The following SLC25A36 variants were observed in gnomAD, a reference collection of about 807,000 sequenced individuals.
The protein encoded by SLC25A36 is epididymis secretory sperm binding protein.
A neutral mutation model predicts 35.3 loss-of-function variants in SLC25A36; 24 were observed. That is an observed-to-expected ratio of 0.68 (90% CI 0.49 to 0.96). The LOEUF is 0.96. Among genes scored for constraint, SLC25A36 ranks in the 40% least tolerant of loss-of-function variants. The probability of loss-of-function intolerance (pLI) is 0.00; values close to 1 mark genes in which losing one functional copy is unlikely to be tolerated. For synonymous variants in SLC25A36, 141 were observed against 132.2 expected, an observed-to-expected ratio of 1.07 and a Z score of -0.46; for missense variants, 294 against 381.1, an observed-to-expected ratio of 0.77 and a Z score of 1.90.
intron 1 of SLC25A36, among the ~76,000 whole-genome samples, chr3:140,953,214 G>A (rs1934375950): frequency 6.6e-6 from 1 of 152,004 alleles, no homozygotes; most frequent in South Asian, 2.1e-4. Context: ...TTCCTCTTGT[G>A]GCCTCATATA....
In SLC25A36 at chr3:140,980,767, C is replaced by T. The variant is rs369512837; in HGVS notation, c.*4314C>T. 1.6e-5 allele frequency among the ~76,000 whole-genome samples: 2 copies of T among 125,994 alleles called. No homozygotes were observed. 82.7% of individuals were successfully genotyped at this position (125,994 alleles called of 152,430 possible). On this transcript the variant is annotated 3_prime_UTR_variant, in exon 7 of 7. Transcript: ENST00000324194. ...CCATGCTGGAGTGCAATGACATGAT[C>T]TCAGGTCACTGCAACCTCTGCCTCC... is the stretch of plus-strand genomic sequence containing the variant.
rs759825946 is a variant in SLC25A36 at position 140,942,122 on chromosome 3, TG to T, written c.41+31del. 18 of 1,006,004 alleles carry T rather than the reference TG, an allele frequency of 1.8e-5. No individual in the cohort carries two copies. The African/African-American group carries it at 2.6e-4, about 15-fold the overall frequency. The allele number at this position is 1,006,004 out of a possible 1,614,324, so 62.3% of individuals were successfully genotyped here. ...TAAGGTCCTGGCGGGGCGTGCGCAC[TG>T]GGGCTGAGGGTGCTGGGGCCGAAGA... On this transcript the variant is annotated intron_variant, in intron 1 of 6. Coordinates refer to ENST00000324194, the MANE Select transcript of SLC25A36 (RefSeq NM_001104647.3).
intron 5 of SLC25A36, among the ~76,000 whole-genome samples, chr3:140,972,211 A>G (rs937928970): frequency 6.6e-6 from 1 of 152,196 alleles, no homozygotes; most frequent in Non-Finnish European, 1.5e-5. Context: ...GCGTTGCTCT[A>G]TGAGGAATCC....
chr3:140,973,650 CAT>C (rs1465136814), intron 5 of SLC25A36, 64 bp from the exon 6 acceptor site: 10 of 1,128,984 alleles, frequency 8.9e-6, no homozygotes, highest in East Asian at 8.7e-5. Context: ...ATTAGAATGA[CAT>C]ATTTTATTAT....
At position 140,974,962 on chromosome 3, in the gene SLC25A36, C is replaced by T. The variant is rs148189293; in HGVS notation, c.742+957C>T. On this transcript the variant is annotated intron_variant, in intron 6 of 6. Transcript: ENST00000324194. ...CAGTATCAGCAATATTGTTTAGATA[C>T]TGACCTATGGGGTAGGTTAGGATGG... 6.0e-3 allele frequency among the ~76,000 whole-genome samples: 914 copies of T among 152,148 alleles called. 7 individuals carry two copies. The highest frequency in any genetic ancestry group is 9.7e-3 in the Non-Finnish European group (657 of 67,994).
In SLC25A36 at chr3:140,951,232, AT is replaced by A. The variant is rs145815451; in HGVS notation, c.42-5290del. 3.1e-3 allele frequency among the ~76,000 whole-genome samples: 465 copies of A among 152,174 alleles called. 5 individuals carry two copies. Among genetic ancestry groups the A allele is most frequent in the African/African-American group, 9.9e-3 (409 of 41,510 alleles). Reference sequence around the variant, plus strand: ...CTGGCATATTCCTTTAGACAGTGAGATTTTTGACATGGAGAAAAGATAAATC... The same window carrying A: ...CTGGCATATTCCTTTAGACAGTGAGATTTTGACATGGAGAAAAGATAAATC... On this transcript the variant is annotated intron_variant, in intron 1 of 6. Transcript: ENST00000324194.
At chr3:140,951,517 T>C (rs532165526) in intron 1 of SLC25A36, among the ~76,000 whole-genome samples, 1 of 152,326 alleles carries the variant, frequency 6.6e-6, no homozygotes, top group Admixed American at 6.5e-5. Flanking sequence ...AGTCTCGCTC[T>C]GTCACCCAGG....
At chr3:140,945,325 GT>G (rs1264890374) in intron 1 of SLC25A36, among the ~76,000 whole-genome samples, 1 of 152,170 alleles carries the variant, frequency 6.6e-6, no homozygotes, top group East Asian at 1.9e-4. Context: ...CATCTTACTA[GT>G]TTTGGGGGAG....
rs141273498 is a variant in SLC25A36, at chr3:140,970,415, G to T, written c.386-512G>T. The T allele has an allele frequency of 1.7e-3, 255 of 152,420 alleles. 3 individuals carry two copies. In the East Asian group the frequency reaches 0.019, roughly 12 times the overall value. 9.4% of individuals were successfully genotyped at this position (152,420 alleles called of 1,614,324 possible). A position where few individuals can be genotyped will look rare whatever the true frequency, so the allele number is the denominator to read the frequency against. ...TATATATGTAGAAAGTATTCATGGG[G>T]CCAAACAACAGTCTTTTCCACTATA... is the stretch of plus-strand genomic sequence containing the variant. On this transcript the variant is annotated intron_variant, in intron 4 of 6. Coordinates refer to ENST00000324194, the MANE Select transcript of SLC25A36 (RefSeq NM_001104647.3).
At chr3:140,950,378 C>G (rs549073966) in intron 1 of SLC25A36, among the ~76,000 whole-genome samples, 2 of 149,170 alleles carry the variant, frequency 1.3e-5, no homozygotes, top group South Asian at 4.2e-4. Flanking sequence ...AGTCTTTTTT[C>G]CTGGAGACTT....
At chr3:140,971,194 GTTGTT>G (rs112026148) in intron 5 of SLC25A36, among the ~76,000 whole-genome samples, 2 of 152,028 alleles carry the variant, frequency 1.3e-5, no homozygotes, top group Non-Finnish European at 2.9e-5. Context: ...ATTAATATGT[GTTGTT>G]TTGTTTTGTT....
intron 4 of SLC25A36, among the ~76,000 whole-genome samples, chr3:140,970,207 A>G (rs1349907597): frequency 1.3e-5 from 2 of 151,968 alleles, no homozygotes; most frequent in African/African-American, 4.8e-5. Context: ...TTTAGTTTTA[A>G]AGTAAACTAG....
chr3:140,950,941 T>C (rs1399854745), intron 1 of SLC25A36, among the ~76,000 whole-genome samples: 1 of 151,214 alleles, frequency 6.6e-6, no homozygotes, highest in Non-Finnish European at 1.5e-5. Flanking sequence ...TGTGTGTGTG[T>C]AAGGCATAGA....
chr3:140,957,177 T>C (rs1934501724), intron 2 of SLC25A36: 1 of 152,286 alleles, frequency 6.6e-6, no homozygotes, highest in Non-Finnish European at 1.5e-5. Context: ...GTTTTTACAG[T>C]TTGCCATACT....
intron 6 of SLC25A36, among the ~76,000 whole-genome samples, chr3:140,974,891 T>A (rs1934996818): frequency 6.6e-6 from 1 of 152,100 alleles, no homozygotes. Context: ...TTATCTCAGT[T>A]TCCTGAAGGA....
intron 1 of SLC25A36, among the ~76,000 whole-genome samples, chr3:140,952,563 T>C (rs943337443): frequency 2.6e-5 from 4 of 152,252 alleles, no homozygotes; most frequent in Non-Finnish European, 5.9e-5. Context: ...AATTTCATAG[T>C]TACCATTATC....
chr3:140,952,122 T>C (rs2107787493), intron 1 of SLC25A36, among the ~76,000 whole-genome samples: 1 of 152,048 alleles, frequency 6.6e-6, no homozygotes, highest in Admixed American at 6.5e-5. Flanking sequence ...GTTGAAGCGA[T>C]TCTACTGCCT....
chr3:140,974,691 G>A (rs889125944), intron 6 of SLC25A36, among the ~76,000 whole-genome samples: 8 of 151,974 alleles, frequency 5.3e-5, no homozygotes, highest in African/African-American at 1.5e-4. Flanking sequence ...TTTAAGTGTC[G>A]CTTTTGATTT....
intron 1 of SLC25A36, among the ~76,000 whole-genome samples, chr3:140,948,144 A>G (rs906850211): frequency 6.6e-6 from 1 of 152,098 alleles, no homozygotes; most frequent in African/African-American, 2.4e-5. Context: ...TAGTAGAGAC[A>G]GGATTTCACC....
Sources: gnomAD v4.1 joint callset for allele counts (sites outside exome capture counted in the v4.1 genomes callset) on GRCh38, gnomAD v4.1.1 for gene constraint, MANE v1.5 for transcripts, NCBI Gene and HGNC (gene_info 2026-07-23, HGNC 2026-07-21) for gene names.